Variants in PLAG1 observed in about 807,000 individuals in gnomAD.
PLAG1 encodes PLAG1 zinc finger, also known as zinc finger protein PLAG1.
A neutral mutation model predicts 35.5 loss-of-function variants in PLAG1; 7 were observed. The ratio of observed to expected loss-of-function variants is 0.20; its 90% CI spans 0.11 to 0.37. The LOEUF is 0.37. PLAG1 is among the 10% of genes least tolerant of loss of function. PLAG1 has a pLI of 1.00. For synonymous variants in PLAG1, 229 were observed against 225.4 expected (o/e 1.02, Z -0.14); for missense variants, 454 against 602.8 (o/e 0.75, Z 2.58).
intron 2 of PLAG1, among the ~76,000 whole-genome samples, chr8:56,172,473 C>G (rs1811561022): frequency 6.6e-6 from 1 of 152,102 alleles, no homozygotes; most frequent in Admixed American, 6.5e-5. Context: ...CTTACTTGCC[C>G]AGGGCACATA....
At chr8:56,196,800 C>T (rs966421581) in intron 1 of PLAG1, among the ~76,000 whole-genome samples, 1 of 151,888 alleles carries the variant, frequency 6.6e-6, no homozygotes, top group Non-Finnish European at 1.5e-5. Flanking sequence ...TGTGTGTGTC[C>T]TCCTCTATGC....
At chr8:56,178,183 G>A (rs537511267) in intron 2 of PLAG1, 1 of 161,558 alleles carries the variant, frequency 6.2e-6, no homozygotes, top group Non-Finnish European at 1.3e-5. Flanking sequence ...TATCCTTCAT[G>A]TGAAAATAAA....
chr8:56,172,793 C>A (rs1190752728), intron 2 of PLAG1, among the ~76,000 whole-genome samples: 1 of 152,196 alleles, frequency 6.6e-6, no homozygotes, highest in Non-Finnish European at 1.5e-5. Context: ...GTGGATAAAT[C>A]CTGTCACTAT....
rs1811293991 is a variant in PLAG1, at chr8:56,164,368, C to T, written c.*1875G>A. ...ATATATATATTGAAGCCCCCATTTACATTATTACAATTTACATTTCTCCAC... is the reference window on the plus strand; with the variant it reads ...ATATATATATTGAAGCCCCCATTTATATTATTACAATTTACATTTCTCCAC... On this transcript the variant is annotated 3_prime_UTR_variant, in exon 5 of 5. Coordinates refer to ENST00000316981, the MANE Select transcript of PLAG1 (RefSeq NM_002655.3). 4.6e-6 allele frequency: 1 copy of T among 216,964 alleles called. No individual in the cohort carries two copies. Among genetic ancestry groups the T allele is most frequent in the East Asian group, 6.8e-5 (1 of 14,740 alleles). The allele number at this position is 216,964 out of a possible 1,614,324, so 13.4% of individuals were successfully genotyped here.
chr8:56,162,618 A>AT lies in PLAG1; in HGVS notation c.*3624dup, dbSNP rs371551847. On this transcript the variant is annotated 3_prime_UTR_variant, in exon 5 of 5. Coordinates refer to ENST00000316981, the MANE Select transcript of PLAG1 (RefSeq NM_002655.3). ...GGTTTAGATTCATTTTGAAAGTGCT[A>AT]TATCTTGTAATATGTGTAGTATAGA... The AT allele has an allele frequency of 7.6e-5, 16 of 210,174 alleles. No homozygotes were observed. Among genetic ancestry groups the AT allele is most frequent in the African/African-American group, 3.6e-4 (16 of 44,216 alleles). The allele number at this position is 210,174 out of a possible 1,614,324, so 13.0% of individuals were successfully genotyped here.
At chr8:56,188,777 C>T (rs1466097492) in intron 1 of PLAG1, among the ~76,000 whole-genome samples, 1 of 152,262 alleles carries the variant, frequency 6.6e-6, no homozygotes, top group African/African-American at 2.4e-5. Flanking sequence ...AACTGGGTAA[C>T]TGGGAAGCAG....
At chr8:56,178,176 C>T (rs1811764807) in intron 2 of PLAG1, 1 of 165,288 alleles carries the variant, frequency 6.1e-6, no homozygotes. Context: ...AAGAGGGTAT[C>T]CTTCATGTGA....
intron 1 of PLAG1, among the ~76,000 whole-genome samples, chr8:56,202,496 C>A (rs938219176): frequency 2.0e-5 from 3 of 152,172 alleles, no homozygotes; most frequent in Admixed American, 2.0e-4. Context: ...CTTAGACATG[C>A]GGGTATTTTG....
intron 1 of PLAG1, among the ~76,000 whole-genome samples, chr8:56,185,328 T>G (rs1811991054): frequency 6.6e-6 from 1 of 152,128 alleles, no homozygotes; most frequent in Admixed American, 6.5e-5. Flanking sequence ...ATGTGAAAAC[T>G]GCAAGCACCC....
At chr8:56,183,775 C>T (rs1396072690) in intron 1 of PLAG1, among the ~76,000 whole-genome samples, 1 of 152,076 alleles carries the variant, frequency 6.6e-6, no homozygotes, top group Non-Finnish European at 1.5e-5. Flanking sequence ...AGTTTGATAT[C>T]TACACATCAA....
At chr8:56,192,748 T>C (rs1812224321) in intron 1 of PLAG1, among the ~76,000 whole-genome samples, 1 of 152,232 alleles carries the variant, frequency 6.6e-6, no homozygotes, top group East Asian at 1.9e-4. Flanking sequence ...CCACATTCAA[T>C]CTTTCCAGCT....
intron 1 of PLAG1, among the ~76,000 whole-genome samples, chr8:56,184,299 G>C (rs192427667): frequency 2.7e-4 from 41 of 152,286 alleles, no homozygotes; most frequent in Non-Finnish European, 4.1e-4. Context: ...CTACCCATTA[G>C]AATGACCAAA....
chr8:56,194,748 G>A (rs1297035852), intron 1 of PLAG1, among the ~76,000 whole-genome samples: 1 of 152,168 alleles, frequency 6.6e-6, no homozygotes, highest in Admixed American at 6.5e-5. Flanking sequence ...AGTCTGCCGG[G>A]TGTGGTTTGA....
At chr8:56,191,070 A>G (rs1228638116) in intron 1 of PLAG1, among the ~76,000 whole-genome samples, 2 of 152,148 alleles carry the variant, frequency 1.3e-5, no homozygotes, top group Non-Finnish European at 2.9e-5. Flanking sequence ...GTGACCAAGG[A>G]GGGCCAAACG....
chr8:56,167,215 A>G lies in PLAG1; in HGVS notation c.531T>C (p.Ser177=). 6.2e-7 allele frequency: 1 copy of G among 1,614,090 alleles called. No individual in the cohort carries two copies. Among genetic ancestry groups the G allele is most frequent in the East Asian group, 2.2e-5 (1 of 44,884 alleles). Residue 177 remains serine, a synonymous_variant, in exon 5 of 5, where the codon TCT becomes TCC. Transcript: ENST00000316981. The surrounding 1 kb of genome is among the most constrained non-coding windows in gnomAD (Gnocchi z 5.9). ...GGTGCTTTTTTTCTTTAACCCCACC[A>G]GACGACTTGCCTGCATGAGATTTAA... ...EHLKSHAGKS[S]GGVKEKKHQC...
Position 56,161,150 on chromosome 8 carries a change from C to A in PLAG1, c.*5093G>T, listed in dbSNP as rs528977109. ...CTATTTTACAGAGCTTATACACACACAAAAAATATGATCTTTGTCTATATT... is the reference window on the plus strand; with the variant it reads ...CTATTTTACAGAGCTTATACACACAAAAAAAATATGATCTTTGTCTATATT... On this transcript the variant is annotated 3_prime_UTR_variant, in exon 5 of 5. Coordinates refer to ENST00000316981, the MANE Select transcript of PLAG1 (RefSeq NM_002655.3). 9.9e-5 allele frequency: 19 copies of A among 191,070 alleles called. No homozygotes were observed. The highest frequency in any genetic ancestry group is 6.1e-4 in the Admixed American group (10 of 16,306). 11.8% of individuals were successfully genotyped at this position (191,070 alleles called of 1,614,324 possible).
intron 1 of PLAG1, among the ~76,000 whole-genome samples, chr8:56,190,968 G>A (rs1336086380): frequency 6.6e-6 from 1 of 152,160 alleles, no homozygotes; most frequent in East Asian, 1.9e-4. Context: ...GCAGGCATGG[G>A]AAATGTGGCT....
rs760222930 is a variant in PLAG1, at chr8:56,166,888, C to A, written c.858G>T (p.Leu286Phe). 3 of 1,614,054 alleles carry A rather than the reference C, an allele frequency of 1.9e-6. No individual in the cohort carries two copies. The highest frequency in any genetic ancestry group is 1.7e-5 in the Admixed American group (1 of 60,016). The change falls in exon 5 of 5, where the codon TTG becomes TTT. Residue 286 changes from leucine to phenylalanine, a missense_variant. By Grantham distance (22) the Leu-to-Phe change is conservative (BLOSUM62 0). Around this residue, in one of 4 missense-constraint regions of PLAG1, gnomAD observed 271 missense variants for 315.6 expected, o/e 0.86. Coordinates refer to ENST00000316981, the MANE Select transcript of PLAG1 (RefSeq NM_002655.3). The part of the protein sequence containing the change: ...ELLSKPFTNT[L>F]QLNLYNTPFQ... ...ATGGAGTGTTGTAGAGGTTTAACTG[C>A]AAAGTGTTTGTGAATGGCTTTGATA...
intron 3 of PLAG1, among the ~76,000 whole-genome samples, chr8:56,170,655 G>T (rs887025895): frequency 1.9e-4 from 29 of 152,120 alleles, no homozygotes; most frequent in African/African-American, 6.3e-4. Flanking sequence ...ATTTGCCATT[G>T]TGTTATAAAA....
Sources: gnomAD v4.1 joint callset for allele counts (sites outside exome capture counted in the v4.1 genomes callset) on GRCh38, gnomAD v4.1.1 for gene constraint, gnomAD v4.1.1 regional missense constraint, Gnocchi (gnomAD v3.1) non-coding constraint, MANE v1.5 for transcripts, NCBI Gene and HGNC (gene_info 2026-07-23, HGNC 2026-07-21) for gene names.